STIMATE: variants seen among roughly 807,000 people sequenced by gnomAD.
STIMATE encodes STIM activating enhancer, also known as store-operated calcium entry regulator STIMATE.
A neutral mutation model predicts 36.7 loss-of-function variants in STIMATE; 15 were observed. The ratio of observed to expected loss-of-function variants is 0.41; its 90% CI spans 0.27 to 0.63. The LOEUF is 0.63. Among genes scored for constraint, STIMATE ranks in the 20% least tolerant of loss-of-function variants. The probability of loss-of-function intolerance (pLI) is 0.32; values close to 1 mark genes in which losing one functional copy is unlikely to be tolerated. For missense variants in STIMATE, 305 were observed against 397.3 expected (o/e 0.77, Z 1.98); for synonymous variants, 163 against 162.3 (o/e 1.00, Z -0.03).
chr3:52,847,724 G>C (rs574623794), intron 4 of STIMATE, among the ~76,000 whole-genome samples: 1 of 152,298 alleles, frequency 6.6e-6, no homozygotes, highest in African/African-American at 2.4e-5. Context: ...TGAGTGTGTA[G>C]CATCACATAG....
intron 3 of STIMATE, among the ~76,000 whole-genome samples, chr3:52,850,128 GAC>G (rs1359258748): frequency 6.6e-6 from 1 of 152,238 alleles, no homozygotes; most frequent in Non-Finnish European, 1.5e-5. Context: ...GAGGGACAAA[GAC>G]ACTTTAAAAC....
rs1700848240 is a variant in STIMATE at position 52,843,713 on chromosome 3, G to C, written c.618+8C>G. 1 of 1,614,034 alleles carries C rather than the reference G, an allele frequency of 6.2e-7. No homozygotes were observed. The highest frequency in any genetic ancestry group is 1.3e-5 in the African/African-American group (1 of 74,900). On this transcript the variant is annotated splice_region_variant and intron_variant, in intron 6 of 7. Transcript: ENST00000355083. ...CAAATCGGGATAAAAATGCAACATG[G>C]CACTGACGTTGACAAAGAAGGGGAC...
At chr3:52,855,889 G>A (rs1421445149) in intron 1 of STIMATE, among the ~76,000 whole-genome samples, 1 of 152,234 alleles carries the variant, frequency 6.6e-6, no homozygotes, top group Non-Finnish European at 1.5e-5. Context: ...CAACCAGGGG[G>A]CTAGACACGT....
intron 1 of STIMATE, among the ~76,000 whole-genome samples, chr3:52,880,729 T>C (rs968241074): frequency 1.3e-5 from 2 of 152,188 alleles, no homozygotes; most frequent in African/African-American, 2.4e-5. Flanking sequence ...CAAAAATGTG[T>C]AGAAAGTCAC....
chr3:52,847,435 C>A (rs552592608), intron 4 of STIMATE: 1 of 1,286,120 alleles, frequency 7.8e-7, no homozygotes, highest in South Asian at 1.2e-5. Context: ...GAAAGAGTGG[C>A]CTGGTAATCA....
In STIMATE at chr3:52,840,364, G is replaced by T; in HGVS notation, c.*130C>A. On this transcript the variant is annotated 3_prime_UTR_variant, in exon 8 of 8. Coordinates refer to ENST00000355083, the MANE Select transcript of STIMATE (RefSeq NM_198563.5). Reference sequence around the variant, plus strand: ...CAGTAGTCTGGGGGCAGGCGAGAGCGGGCAGAGACAGCAAGAGGAGCAGAG... The same window carrying T: ...CAGTAGTCTGGGGGCAGGCGAGAGCTGGCAGAGACAGCAAGAGGAGCAGAG... The T allele has an allele frequency of 9.3e-7, 1 of 1,069,818 alleles. No individual in the cohort carries two copies. Among genetic ancestry groups the T allele is most frequent in the Non-Finnish European group, 1.3e-6 (1 of 743,416 alleles). 66.3% of individuals were successfully genotyped at this position (1,069,818 alleles called of 1,614,324 possible).
At chr3:52,880,078 CA>C (rs1287352701) in intron 1 of STIMATE, among the ~76,000 whole-genome samples, 1 of 152,226 alleles carries the variant, frequency 6.6e-6, no homozygotes, top group Non-Finnish European at 1.5e-5. Flanking sequence ...TGCTATTTCT[CA>C]TTTGAAACAG....
chr3:52,897,247 C>T, intron 1 of STIMATE, 44 bp downstream of exon 1: 1 of 1,523,728 alleles, frequency 6.6e-7, no homozygotes, highest in Non-Finnish European at 8.8e-7. Flanking sequence ...CGGGCCGCGG[C>T]TGCCGCGCAG....
intron 1 of STIMATE, among the ~76,000 whole-genome samples, chr3:52,867,778 T>C (rs1701335792): frequency 1.3e-5 from 2 of 152,198 alleles, no homozygotes; most frequent in African/African-American, 4.8e-5. Context: ...TCCTTGAGTG[T>C]CCAACCCCCT....
chr3:52,854,821 T>TA (rs1374058715), intron 2 of STIMATE, among the ~76,000 whole-genome samples: 1 of 152,214 alleles, frequency 6.6e-6, no homozygotes, highest in Admixed American at 6.5e-5. Flanking sequence ...TCCAGGTAGT[T>TA]AAGTGTCAGA....
At chr3:52,889,605 G>GGCTGT (rs1701749127) in intron 1 of STIMATE, among the ~76,000 whole-genome samples, 1 of 152,176 alleles carries the variant, frequency 6.6e-6, no homozygotes, top group Admixed American at 6.5e-5. Context: ...CTACTTCTCA[G>GGCTGT]GCTGTGTGAG....
At chr3:52,878,734 C>A (rs539815527) in intron 1 of STIMATE, among the ~76,000 whole-genome samples, 1 of 152,198 alleles carries the variant, frequency 6.6e-6, no homozygotes, top group Non-Finnish European at 1.5e-5. Context: ...CCAAGAGAAG[C>A]TGGCTGGTTA....
intron 6 of STIMATE, among the ~76,000 whole-genome samples, chr3:52,843,509 C>A (rs1325148424): frequency 2.6e-5 from 4 of 152,162 alleles, no homozygotes; most frequent in African/African-American, 9.7e-5. Context: ...AGCTCCCAGG[C>A]CCCTCCATCC....
chr3:52,878,929 A>T (rs1162685773), intron 1 of STIMATE, among the ~76,000 whole-genome samples: 1 of 152,200 alleles, frequency 6.6e-6, no homozygotes, highest in Non-Finnish European at 1.5e-5. Flanking sequence ...CGGCAGTGCA[A>T]GTGCACGGAT....
At chr3:52,870,687 C>T (rs1701387443) in intron 1 of STIMATE, among the ~76,000 whole-genome samples, 1 of 152,118 alleles carries the variant, frequency 6.6e-6, no homozygotes, top group Non-Finnish European at 1.5e-5. Flanking sequence ...GGCAGGTGCT[C>T]CTCAGGCTGG....
chr3:52,876,204 G>T (rs1241568586), intron 1 of STIMATE, among the ~76,000 whole-genome samples: 1 of 152,192 alleles, frequency 6.6e-6, no homozygotes, highest in Non-Finnish European at 1.5e-5. Flanking sequence ...TGGCAAAACT[G>T]ATGCTCAGAG....
At chr3:52,844,718 A>T in intron 5 of STIMATE, 111 bp downstream of exon 5, 1 of 1,113,382 alleles carries the variant, frequency 9.0e-7, no homozygotes, top group East Asian at 2.8e-5. Flanking sequence ...GGACACATTC[A>T]TAGAGTTAAA....
chr3:52,850,346 C>A (rs945147281), intron 3 of STIMATE, among the ~76,000 whole-genome samples: 8 of 152,156 alleles, frequency 5.3e-5, no homozygotes, highest in Non-Finnish European at 1.0e-4. Context: ...GCAGGGGAAT[C>A]ACTTGAACCC....
rs760642124 is a variant in STIMATE, at chr3:52,843,711, T to C, written c.618+10A>G. 5.0e-6 allele frequency: 8 copies of C among 1,613,824 alleles called. No individual in the cohort carries two copies. Among genetic ancestry groups the C allele is most frequent in the Non-Finnish European group, 6.8e-6 (8 of 1,179,936 alleles). ...AGCAAATCGGGATAAAAATGCAACA[T>C]GGCACTGACGTTGACAAAGAAGGGG... On this transcript the variant is annotated intron_variant, in intron 6 of 7. Transcript: ENST00000355083.
Sources: gnomAD v4.1 joint callset for allele counts (sites outside exome capture counted in the v4.1 genomes callset) on GRCh38, gnomAD v4.1.1 for gene constraint, MANE v1.5 for transcripts, NCBI Gene and HGNC (gene_info 2026-07-23, HGNC 2026-07-21) for gene names.